CENPP: variants seen among roughly 807,000 people sequenced by gnomAD.
The protein encoded by CENPP is centromere protein P.
A neutral mutation model predicts 35.6 loss-of-function variants in CENPP; 24 were observed. That is an observed-to-expected ratio of 0.67 (90% CI 0.49 to 0.95). CENPP has a LOEUF of 0.95. Ranked by LOEUF, CENPP falls within the 40% of genes least tolerant of loss-of-function variation. CENPP has a pLI of 0.00. For synonymous variants in CENPP, 120 were observed against 125.5 expected (o/e 0.96, Z 0.29); for missense variants, 332 against 345.3 (o/e 0.96, Z 0.31).
intron 5 of CENPP, among the ~76,000 whole-genome samples, chr9:92,547,607 A>G (rs1361782448): frequency 6.6e-6 from 1 of 152,238 alleles, no homozygotes; most frequent in Non-Finnish European, 1.5e-5. Context: ...AATGTCCAAA[A>G]TAGACGAATC....
chr9:92,609,866 G>A (rs1246737779), intron 5 of CENPP, among the ~76,000 whole-genome samples: 2 of 151,944 alleles, frequency 1.3e-5, no homozygotes, highest in African/African-American at 2.4e-5. Context: ...TCAGCCTCCC[G>A]AGTAGCTGGG....
intron 4 of CENPP, among the ~76,000 whole-genome samples, chr9:92,353,748 A>G (rs555413493): frequency 6.6e-6 from 1 of 152,296 alleles, no homozygotes; most frequent in African/African-American, 2.4e-5. Context: ...GTAATGTCGC[A>G]GGAACAGGAA....
At chr9:92,570,778 G>C (rs961769723) in intron 5 of CENPP, among the ~76,000 whole-genome samples, 3 of 152,174 alleles carry the variant, frequency 2.0e-5, no homozygotes, top group Admixed American at 6.5e-5. Context: ...TCTATTAAGA[G>C]ATTCAACTTC....
intron 5 of CENPP, among the ~76,000 whole-genome samples, chr9:92,442,209 C>A (rs1844409616): frequency 6.6e-6 from 1 of 151,822 alleles, no homozygotes; most frequent in South Asian, 2.1e-4. Flanking sequence ...ACCAGCCTGA[C>A]CAACATGGAG....
chr9:92,580,515 C>T (rs557866122), intron 5 of CENPP, among the ~76,000 whole-genome samples: 1 of 152,288 alleles, frequency 6.6e-6, no homozygotes, highest in Admixed American at 6.5e-5. Flanking sequence ...TCAACTTCCT[C>T]CTGGTTCAGT....
At chr9:92,557,922 C>T (rs774470812) in intron 5 of CENPP, among the ~76,000 whole-genome samples, 2 of 152,240 alleles carry the variant, frequency 1.3e-5, no homozygotes, top group East Asian at 1.9e-4. Context: ...GGATTACAGG[C>T]GTGAGCCACC....
chr9:92,546,367 C>T (rs567132397), intron 5 of CENPP, among the ~76,000 whole-genome samples: 18 of 152,262 alleles, frequency 1.2e-4, no homozygotes, highest in African/African-American at 4.1e-4. Flanking sequence ...TGTTCTTTTG[C>T]TCTTTGCAAT....
At chr9:92,525,616 C>T (rs372801878) in intron 5 of CENPP, among the ~76,000 whole-genome samples, 17 of 152,218 alleles carry the variant, frequency 1.1e-4, no homozygotes, top group Non-Finnish European at 1.5e-4. Context: ...ACAGGCTGGG[C>T]GCGGTGGCTC....
At chr9:92,581,522 A>G (rs1850425563) in intron 5 of CENPP, among the ~76,000 whole-genome samples, 1 of 152,224 alleles carries the variant, frequency 6.6e-6, no homozygotes, top group African/African-American at 2.4e-5. Flanking sequence ...AACAGCAGCA[A>G]TGGAAACCAG....
At chr9:92,454,784 A>G (rs1366778509) in intron 5 of CENPP, among the ~76,000 whole-genome samples, 1 of 152,208 alleles carries the variant, frequency 6.6e-6, no homozygotes, top group Non-Finnish European at 1.5e-5. Context: ...AACTTGCCCA[A>G]GACTATAAAT....
At chr9:92,594,798 TTTTTAAAAAC>T (rs1850738148) in intron 5 of CENPP, among the ~76,000 whole-genome samples, 1 of 152,078 alleles carries the variant, frequency 6.6e-6, no homozygotes, top group Admixed American at 6.5e-5. Flanking sequence ...CTACAAACAT[TTTTTAAAAAC>T]TTTTAAAAAT....
intron 5 of CENPP, among the ~76,000 whole-genome samples, chr9:92,550,693 T>C (rs904640395): frequency 6.6e-6 from 1 of 152,138 alleles, no homozygotes. Context: ...ACATATGATA[T>C]TCTAAATGTG....
intron 5 of CENPP, among the ~76,000 whole-genome samples, chr9:92,554,188 CT>C (rs71362402): frequency 7.9e-4 from 115 of 146,488 alleles, no homozygotes; most frequent in Middle Eastern, 3.5e-3. Context: ...GTTTTTAATT[CT>C]TTTTTTTTTT....
intron 5 of CENPP, chr9:92,474,561 C>T (rs1289020035): frequency 1.3e-6 from 2 of 1,533,894 alleles, no homozygotes; most frequent in South Asian, 1.3e-5. Flanking sequence ...AGACTTTTTC[C>T]ATCCTTTAAA....
At chr9:92,345,581 C>A in intron 3 of CENPP, 118 bp from the exon 4 acceptor site, 1 of 542,832 alleles carries the variant, frequency 1.8e-6, no homozygotes, top group South Asian at 2.4e-5. Context: ...TGTTTTGTTT[C>A]TGTCATGATT....
At chr9:92,401,197 AT>A (rs1843097852) in intron 5 of CENPP, 1 of 1,266,432 alleles carries the variant, frequency 7.9e-7, no homozygotes, top group Non-Finnish European at 1.1e-6. Flanking sequence ...TATTGGAAAA[AT>A]AAAAGTTTGT....
chr9:92,612,698 G>A (rs745887966), intron 7 of CENPP, 84 bp downstream of exon 7: 72 of 982,864 alleles, frequency 7.3e-5, no homozygotes, highest in Non-Finnish European at 1.1e-4. Flanking sequence ...GGTTTCAAAG[G>A]GCAAGAATCA....
chr9:92,607,670 A>AG (rs1384908222), intron 5 of CENPP, among the ~76,000 whole-genome samples: 1 of 152,218 alleles, frequency 6.6e-6, no homozygotes, highest in Non-Finnish European at 1.5e-5. Flanking sequence ...TGGACACCCA[A>AG]GGGTAGATTT....
intron 5 of CENPP, among the ~76,000 whole-genome samples, chr9:92,572,618 G>C (rs1188831887): frequency 2.6e-5 from 4 of 152,102 alleles, no homozygotes; most frequent in Non-Finnish European, 5.9e-5. Context: ...TGTATTTCCT[G>C]AATTTGAATG....
Sources: gnomAD v4.1 joint callset for allele counts (sites outside exome capture counted in the v4.1 genomes callset) on GRCh38, gnomAD v4.1.1 for gene constraint, MANE v1.5 for transcripts, NCBI Gene and HGNC (gene_info 2026-07-23, HGNC 2026-07-21) for gene names.